CTNNA3: variants seen among roughly 807,000 people sequenced by gnomAD.
CTNNA3 encodes catenin alpha-3.
Under a neutral mutation model 95.7 loss-of-function variants are expected in CTNNA3, and 76 were observed. That is an observed-to-expected ratio of 0.79 (90% CI 0.66 to 0.96). CTNNA3 has a LOEUF of 0.96. Ranked by LOEUF, CTNNA3 falls within the 40% of genes least tolerant of loss-of-function variation. CTNNA3 has a pLI of 0.00. For missense variants in CTNNA3, 1,191 were observed against 1,089.8 expected, an observed-to-expected ratio of 1.09 and a Z score of -1.31; for synonymous variants, 431 against 374.4, an observed-to-expected ratio of 1.15 and a Z score of -1.74.
intron 15 of CTNNA3, among the ~76,000 whole-genome samples, chr10:66,045,500 G>GAA (rs2079810531): frequency 6.6e-6 from 1 of 151,990 alleles, no homozygotes; most frequent in African/African-American, 2.4e-5. Context: ...ATTCTATGTA[G>GAA]AAATATATTT....
chr10:67,352,153 A>T (rs1842660266), intron 5 of CTNNA3, among the ~76,000 whole-genome samples: 1 of 152,016 alleles, frequency 6.6e-6, no homozygotes. Flanking sequence ...TAGAAGTGTG[A>T]TCGGGTACGG....
chr10:66,581,638 AG>A (rs1212853597), intron 10 of CTNNA3, among the ~76,000 whole-genome samples: 2 of 151,556 alleles, frequency 1.3e-5, no homozygotes, highest in African/African-American at 2.4e-5. Context: ...GCTGTGAAGA[AG>A]CTTTTTAGTT....
At chr10:66,367,973 T>A (rs1189512892) in intron 12 of CTNNA3, among the ~76,000 whole-genome samples, 4 of 150,096 alleles carry the variant, frequency 2.7e-5, no homozygotes, top group Non-Finnish European at 5.9e-5. Context: ...GATCCATTGC[T>A]TTCTGGATCT....
intron 11 of CTNNA3, among the ~76,000 whole-genome samples, chr10:66,442,302 G>A (rs1278941007): frequency 6.6e-6 from 1 of 152,008 alleles, no homozygotes; most frequent in Non-Finnish European, 1.5e-5. Context: ...AGAAGGTCCT[G>A]GAACCAACCC....
At chr10:65,949,124 T>C (rs1358019090) in intron 17 of CTNNA3, among the ~76,000 whole-genome samples, 1 of 152,232 alleles carries the variant, frequency 6.6e-6, no homozygotes, top group African/African-American at 2.4e-5. Flanking sequence ...CTTTTCTTTC[T>C]GGCTGCATTT....
intron 1 of CTNNA3, chr10:67,750,175 C>T: frequency 8.7e-7 from 1 of 1,154,752 alleles, no homozygotes; most frequent in South Asian, 1.3e-5. Context: ...AGGTCCGTGG[C>T]TTCATTCTTG....
At chr10:66,178,416 T>TATATATATAC (rs2085844102) in intron 13 of CTNNA3, among the ~76,000 whole-genome samples, 4 of 51,540 alleles carry the variant, frequency 7.8e-5, no homozygotes, top group South Asian at 1.6e-3. Flanking sequence ...TATATATATA[T>TATATATATAC]ATATATATAT....
intron 11 of CTNNA3, among the ~76,000 whole-genome samples, chr10:66,385,393 A>C (rs368729492): frequency 1.3e-5 from 2 of 152,298 alleles, no homozygotes; most frequent in South Asian, 4.1e-4. Context: ...TAAACCAGGA[A>C]GAAGTTGAAT....
At chr10:66,656,848 GT>G (rs1222958751) in intron 9 of CTNNA3, among the ~76,000 whole-genome samples, 1 of 151,812 alleles carries the variant, frequency 6.6e-6, no homozygotes, top group Non-Finnish European at 1.5e-5. Context: ...TTTTGTTTTT[GT>G]TTTTTGCAAT....
intron 14 of CTNNA3, among the ~76,000 whole-genome samples, chr10:66,100,634 G>C (rs745952625): frequency 6.6e-6 from 1 of 152,152 alleles, no homozygotes; most frequent in Non-Finnish European, 1.5e-5. Context: ...CACAACATTA[G>C]AAGCAGTGGC....
chr10:66,518,978 T>C (rs1840959793), intron 11 of CTNNA3, among the ~76,000 whole-genome samples: 1 of 152,044 alleles, frequency 6.6e-6, no homozygotes, highest in Non-Finnish European at 1.5e-5. Flanking sequence ...TATACATACA[T>C]GAAAGTAATG....
intron 5 of CTNNA3, among the ~76,000 whole-genome samples, chr10:67,481,031 T>C (rs375101340): frequency 5.9e-5 from 9 of 152,170 alleles, no homozygotes; most frequent in African/African-American, 2.2e-4. Flanking sequence ...TATTAAAAGG[T>C]TTTTCTGTGT....
chr10:67,536,965 T>C (rs1392721665), intron 4 of CTNNA3, among the ~76,000 whole-genome samples: 1 of 152,170 alleles, frequency 6.6e-6, no homozygotes, highest in Non-Finnish European at 1.5e-5. Context: ...GATTCATATA[T>C]AAACTTTTCA....
At chr10:66,910,229 T>G (rs1409274401) in intron 7 of CTNNA3, among the ~76,000 whole-genome samples, 2 of 152,194 alleles carry the variant, frequency 1.3e-5, no homozygotes, top group East Asian at 3.9e-4. Flanking sequence ...TAATAAATAC[T>G]TACAGTGTGG....
intron 1 of CTNNA3, among the ~76,000 whole-genome samples, chr10:67,682,602 G>T (rs1352511745): frequency 2.6e-5 from 4 of 152,120 alleles, no homozygotes; most frequent in South Asian, 2.1e-4. Flanking sequence ...ACTTCTTGAA[G>T]AGAAATATGA....
At chr10:66,041,101 T>C (rs1308662934) in intron 15 of CTNNA3, among the ~76,000 whole-genome samples, 2 of 152,212 alleles carry the variant, frequency 1.3e-5, no homozygotes, top group Non-Finnish European at 2.9e-5. Context: ...TACTCCCTGA[T>C]ATATAGGCTG....
At chr10:66,252,544 T>C (rs1212743142) in intron 13 of CTNNA3, among the ~76,000 whole-genome samples, 5 of 152,212 alleles carry the variant, frequency 3.3e-5, no homozygotes, top group African/African-American at 4.8e-5. Context: ...GCACAAAATA[T>C]GATAAACATT....
chr10:66,591,479 A>G (rs1238917822), intron 10 of CTNNA3, among the ~76,000 whole-genome samples: 1 of 152,142 alleles, frequency 6.6e-6, no homozygotes, highest in East Asian at 1.9e-4. Flanking sequence ...TCTCAAAATC[A>G]TTAATGATGG....
chr10:66,127,120 A>C (rs1027367067), intron 13 of CTNNA3, among the ~76,000 whole-genome samples: 8 of 152,034 alleles, frequency 5.3e-5, no homozygotes, highest in Non-Finnish European at 1.0e-4. Context: ...AAATACAAAA[A>C]AATTAGCCAG....
Sources: allele counts gnomAD v4.1 joint callset (sites outside exome capture counted in the v4.1 genomes callset), GRCh38; gene constraint gnomAD v4.1.1; transcripts MANE v1.5; gene names NCBI Gene and HGNC (gene_info 2026-07-23, HGNC 2026-07-21).